The following UNC119B variants were observed in gnomAD, a reference collection of about 807,000 sequenced individuals.
UNC119B encodes the protein protein unc-119 homolog B.
Under a neutral mutation model 23.4 loss-of-function variants are expected in UNC119B, and 16 were observed. The observed-to-expected ratio is 0.68, with a 90% CI of 0.46 to 1.04. The LOEUF (loss-of-function observed/expected upper bound fraction) is 1.04. Ranked by LOEUF, UNC119B falls within the 50% of genes least tolerant of loss-of-function variation. The pLI, the probability that UNC119B is intolerant of heterozygous loss-of-function variation, is 0.00. For synonymous variants in UNC119B, 144 were observed against 145.4 expected, an observed-to-expected ratio of 0.99 and a Z score of 0.07; for missense variants, 350 against 361.3, an observed-to-expected ratio of 0.97 and a Z score of 0.25.
chr12:120,717,999 G>T (rs1882816772), intron 4 of UNC119B, among the ~76,000 whole-genome samples: 1 of 151,836 alleles, frequency 6.6e-6, no homozygotes, highest in Non-Finnish European at 1.5e-5. Context: ...CTCCTGAGTA[G>T]CTGAGACTAC....
chr12:120,720,322 G>A lies in UNC119B; in HGVS notation c.*290G>A, dbSNP rs372430072. 9.6e-4 allele frequency: 280 copies of A among 291,616 alleles called. 3 individuals carry two copies. The highest frequency in any genetic ancestry group is 6.2e-3 in the South Asian group (107 of 17,216). The allele number at this position is 291,616 out of a possible 1,614,324, so 18.1% of individuals were successfully genotyped here. On this transcript the variant is annotated 3_prime_UTR_variant, in exon 5 of 5. Coordinates refer to ENST00000344651, the MANE Select transcript of UNC119B (RefSeq NM_001080533.3). Reference sequence around the variant, plus strand: ...ATCCAGATAAAAAAGTTTATTTTCCGTAGTTCTGGCTGCCTGTTGGTTGTC... The same window carrying A: ...ATCCAGATAAAAAAGTTTATTTTCCATAGTTCTGGCTGCCTGTTGGTTGTC...
At chr12:120,714,893 T>G (rs11065221) in intron 2 of UNC119B, among the ~76,000 whole-genome samples, 1 of 152,146 alleles carries the variant, frequency 6.6e-6, no homozygotes, top group South Asian at 2.1e-4. Flanking sequence ...ACTTGTAATA[T>G]TCCCCACATT....
At chr12:120,719,733 C>A (rs55730005) in intron 4 of UNC119B, among the ~76,000 whole-genome samples, 187 bp from the exon 5 acceptor site, 56,794 of 151,530 alleles carry the variant, frequency 0.37, 10,998 homozygotes, top group Middle Eastern at 0.48. Flanking sequence ...AGCTGGGGGG[C>A]CTCTGTGGTC....
In UNC119B at chr12:120,713,400, G is replaced by T. The variant is rs928781534; in HGVS notation, c.358+13G>T. The T allele has an allele frequency of 6.3e-7, 1 of 1,591,182 alleles. No individual in the cohort carries two copies. Among genetic ancestry groups the T allele is most frequent in the African/African-American group, 1.3e-5 (1 of 74,280 alleles). ...CCTTGCGTTTCAGGTAGGCCTCTAC[G>T]TTGTGGTGACCACTAGACAGTTTTG... On this transcript the variant is annotated intron_variant, in intron 2 of 4. Transcript: ENST00000344651.
chr12:120,711,975 G>C (rs1882681274), intron 1 of UNC119B, among the ~76,000 whole-genome samples: 1 of 152,222 alleles, frequency 6.6e-6, no homozygotes, highest in Non-Finnish European at 1.5e-5. Flanking sequence ...GAAACAGTGT[G>C]AAAAAGCTTC....
chr12:120,713,406 G>T lies in UNC119B; in HGVS notation c.358+19G>T. ...GTTTCAGGTAGGCCTCTACGTTGTG[G>T]TGACCACTAGACAGTTTTGAGCCAA... On this transcript the variant is annotated intron_variant, in intron 2 of 4. Coordinates refer to ENST00000344651, the MANE Select transcript of UNC119B (RefSeq NM_001080533.3). 1 of 1,574,232 alleles carries T rather than the reference G, an allele frequency of 6.4e-7. No individual in the cohort carries two copies. The highest frequency in any genetic ancestry group is 8.7e-7 in the Non-Finnish European group (1 of 1,145,576).
chr12:120,715,636 C>G (rs975837378), intron 2 of UNC119B, among the ~76,000 whole-genome samples: 14 of 138,204 alleles, frequency 1.0e-4, no homozygotes, highest in Middle Eastern at 4.6e-3. Flanking sequence ...CGGGTTCAAG[C>G]AATTCTCCTG....
rs1171724034 is a variant in UNC119B at position 120,723,509 on chromosome 12, C to G, written c.*3477C>G. 1.3e-5 allele frequency: 2 copies of G among 152,370 alleles called. No homozygotes were observed. Among genetic ancestry groups the G allele is most frequent in the African/African-American group, 4.8e-5 (2 of 41,456 alleles). The allele number at this position is 152,370 out of a possible 1,614,324, so 9.4% of individuals were successfully genotyped here. On this transcript the variant is annotated 3_prime_UTR_variant, in exon 5 of 5. Transcript: ENST00000344651. ...TCAATGACCTGATCTGTCCTTCCTC[C>G]TCCTTCCCGCTTCCCCCAAAATCAC... is the stretch of plus-strand genomic sequence containing the variant.
chr12:120,712,128 C>T (rs1295281809), intron 1 of UNC119B, among the ~76,000 whole-genome samples: 1 of 152,220 alleles, frequency 6.6e-6, no homozygotes, highest in Non-Finnish European at 1.5e-5. Flanking sequence ...TCAGTGGGCA[C>T]TCAGATCCTA....
At chr12:120,717,161 A>T in intron 4 of UNC119B, 119 bp downstream of exon 4, 1 of 1,016,560 alleles carries the variant, frequency 9.8e-7, no homozygotes, top group Non-Finnish European at 1.4e-6. Context: ...CATGATGCGT[A>T]TCTAGTCATT....
chr12:120,714,060 C>T (rs2136929832), intron 2 of UNC119B, among the ~76,000 whole-genome samples: 1 of 152,264 alleles, frequency 6.6e-6, no homozygotes, highest in Non-Finnish European at 1.5e-5. Context: ...GCCTTTGGAG[C>T]ACCTCACTGG....
At chr12:120,718,291 C>T (rs1882822581) in intron 4 of UNC119B, among the ~76,000 whole-genome samples, 1 of 152,226 alleles carries the variant, frequency 6.6e-6, no homozygotes, top group African/African-American at 2.4e-5. Context: ...AAGCACCTCT[C>T]CTGTGCACTG....
At position 120,717,032 on chromosome 12, in the gene UNC119B, G is replaced by A. The variant is rs768100681; in HGVS notation, c.633G>A (p.Ser211=). The A allele has an allele frequency of 9.4e-6, 15 of 1,592,158 alleles. No individual in the cohort carries two copies. Among genetic ancestry groups the A allele is most frequent in the Middle Eastern group, 1.7e-4 (1 of 5,956 alleles). The change falls in exon 4 of 5, where the codon TCG becomes TCA. Residue 211 remains serine (S), a synonymous_variant. Coordinates refer to ENST00000344651, the MANE Select transcript of UNC119B (RefSeq NM_001080533.3). The part of the protein sequence containing the change: ...CEHIYEFPQL[S]EDVIRLMIEN... ...ATATCTATGAGTTTCCCCAGCTTTC[G>A]GAGGATGTCAGTATGTATCCCCTGA...
At chr12:120,719,022 G>A (rs886596829) in intron 4 of UNC119B, among the ~76,000 whole-genome samples, 12 of 152,198 alleles carry the variant, frequency 7.9e-5, no homozygotes, top group African/African-American at 2.7e-4. Context: ...TCAGCCTGGA[G>A]GGCAATATTA....
rs1882924380 is a variant in UNC119B at position 120,722,184 on chromosome 12, G to A, written c.*2152G>A. On this transcript the variant is annotated 3_prime_UTR_variant, in exon 5 of 5. Coordinates refer to ENST00000344651, the MANE Select transcript of UNC119B (RefSeq NM_001080533.3). ...TGCTAGAAAGAGGATGTGGAGGAAG[G>A]AGGAGGTGGGCAATCTGGCTTGAGT... 6.6e-6 allele frequency: 1 copy of A among 152,384 alleles called. No homozygotes were observed. The highest frequency in any genetic ancestry group is 6.5e-5 in the Admixed American group (1 of 15,288). The allele number at this position is 152,384 out of a possible 1,614,324, so 9.4% of individuals were successfully genotyped here.
In UNC119B at chr12:120,713,386, A is replaced by G. The variant is rs771367224; in HGVS notation, c.357A>G (p.Ser119=). 6.2e-7 allele frequency: 1 copy of G among 1,611,832 alleles called. No individual in the cohort carries two copies. The highest frequency in any genetic ancestry group is 1.7e-5 in the Admixed American group (1 of 59,856). Residue 119 remains serine (S), a splice_region_variant and synonymous_variant, in exon 2 of 5, where the codon TCA becomes TCG. Coordinates refer to ENST00000344651, the MANE Select transcript of UNC119B (RefSeq NM_001080533.3). ...VLFEIAKPCV[S]DQEEDEEEGG... is the part of the protein sequence containing the mutation. The stretch of plus-strand genomic sequence containing the variant: ...TTGAGATTGCCAAACCTTGCGTTTC[A>G]GGTAGGCCTCTACGTTGTGGTGACC...
chr12:120,721,700 A>G lies in UNC119B; in HGVS notation c.*1668A>G, dbSNP rs1882906241. 6.5e-6 allele frequency: 1 copy of G among 152,672 alleles called. No homozygotes were observed. The highest frequency in any genetic ancestry group is 1.5e-5 in the Non-Finnish European group (1 of 68,084). 9.5% of individuals were successfully genotyped at this position (152,672 alleles called of 1,614,324 possible). On this transcript the variant is annotated 3_prime_UTR_variant, in exon 5 of 5. Coordinates refer to ENST00000344651, the MANE Select transcript of UNC119B (RefSeq NM_001080533.3). ...GCTTACCCCTGTGTGCTGGCCTTGG[A>G]TTCAGCCCCGAGAGAGGGGAGAGAC... is the stretch of plus-strand genomic sequence containing the variant.
chr12:120,716,489 G>A (rs756127621), intron 2 of UNC119B, 139 bp from the exon 3 acceptor site: 2 of 859,190 alleles, frequency 2.3e-6, no homozygotes, highest in Non-Finnish European at 2.0e-6. Context: ...TATATAGCAA[G>A]TGCGCAGTAA....
At chr12:120,716,606 A>G in intron 2 of UNC119B, 22 bp from the exon 3 acceptor site, 1 of 1,613,392 alleles carries the variant, frequency 6.2e-7, no homozygotes, top group East Asian at 2.2e-5. Context: ...TGGTGCACTG[A>G]AGATTCTGTG....
Sources: allele counts gnomAD v4.1 joint callset (sites outside exome capture counted in the v4.1 genomes callset), GRCh38; gene constraint gnomAD v4.1.1; transcripts MANE v1.5; gene names NCBI Gene and HGNC (gene_info 2026-07-23, HGNC 2026-07-21).